Variants in SLC35F3 observed in about 807,000 individuals in gnomAD.
The protein encoded by SLC35F3 is putative thiamine transporter SLC35F3.
Under a neutral mutation model 49.9 loss-of-function variants are expected in SLC35F3, and 25 were observed. That is an observed-to-expected ratio of 0.50 (90% CI 0.37 to 0.70). The LOEUF (loss-of-function observed/expected upper bound fraction) is 0.70. Among genes scored for constraint, SLC35F3 ranks in the 30% least tolerant of loss-of-function variants. The probability of loss-of-function intolerance (pLI) is 0.00; values close to 1 mark genes in which losing one functional copy is unlikely to be tolerated. For missense variants in SLC35F3, 525 were observed against 639.8 expected, an observed-to-expected ratio of 0.82 and a Z score of 1.94; for synonymous variants, 275 against 265.4, an observed-to-expected ratio of 1.04 and a Z score of -0.35.
chr1:234,233,822 G>C (rs1370311601), intron 3 of SLC35F3, among the ~76,000 whole-genome samples: 1 of 152,170 alleles, frequency 6.6e-6, no homozygotes, highest in Non-Finnish European at 1.5e-5. Flanking sequence ...ATCACATTCT[G>C]CTCCAGCTCT....
chr1:234,159,948 G>A (rs1266990588), intron 2 of SLC35F3, among the ~76,000 whole-genome samples: 1 of 152,144 alleles, frequency 6.6e-6, no homozygotes, highest in Non-Finnish European at 1.5e-5. Context: ...GGAATCACTG[G>A]TGCCAAAGAC....
At chr1:234,309,029 C>T (rs201471524) in intron 3 of SLC35F3, 72 bp from the exon 4 acceptor site, 2 of 948,980 alleles carry the variant, frequency 2.1e-6, no homozygotes, top group Non-Finnish European at 1.5e-6. Context: ...AAAAAAAAAA[C>T]TTGCTATAGG....
At chr1:234,173,925 C>T (rs1346940833) in intron 2 of SLC35F3, among the ~76,000 whole-genome samples, 2 of 152,314 alleles carry the variant, frequency 1.3e-5, no homozygotes, top group East Asian at 3.9e-4. Context: ...CGATTTTCTC[C>T]TCTGGAGCCT....
At chr1:233,925,727 T>A (rs1269245016) in intron 2 of SLC35F3, among the ~76,000 whole-genome samples, 2 of 152,272 alleles carry the variant, frequency 1.3e-5, no homozygotes, top group African/African-American at 4.8e-5. Context: ...CTTCCTAGCA[T>A]CGATGGTCTT....
chr1:234,004,658 A>G (rs1663603940), intron 2 of SLC35F3, among the ~76,000 whole-genome samples: 1 of 152,156 alleles, frequency 6.6e-6, no homozygotes, highest in Non-Finnish European at 1.5e-5. Context: ...GAAAGATAAT[A>G]AATTACAGCT....
chr1:234,089,880 A>C (rs1040017784), intron 2 of SLC35F3, among the ~76,000 whole-genome samples: 1 of 152,208 alleles, frequency 6.6e-6, no homozygotes, highest in African/African-American at 2.4e-5. Flanking sequence ...TGTACTAGAT[A>C]AGATAGGAAA....
At chr1:234,083,160 C>G (rs1025117663) in intron 2 of SLC35F3, among the ~76,000 whole-genome samples, 1 of 152,158 alleles carries the variant, frequency 6.6e-6, no homozygotes, top group Non-Finnish European at 1.5e-5. Context: ...TTGGGGCACA[C>G]AGAAGTCTGT....
At position 234,150,326 on chromosome 1, in the gene SLC35F3, G is replaced by A. The variant is rs76228540; in HGVS notation, c.284-81091G>A. Among the ~76,000 whole-genome samples the A allele has an allele frequency of 5.2e-3, 793 of 151,402 alleles. 10 individuals carry two copies. The highest frequency in any genetic ancestry group is 0.019 in the African/African-American group (757 of 40,712). On this transcript the variant is annotated intron_variant, in intron 2 of 7. Coordinates refer to ENST00000366618, the MANE Select transcript of SLC35F3 (RefSeq NM_173508.4). ...TTGGTGACCCAAATTGTGAGGAAGAGTGTTGTTGGTTTGAAGACCTCGGAG... is the reference window on the plus strand; with the variant it reads ...TTGGTGACCCAAATTGTGAGGAAGAATGTTGTTGGTTTGAAGACCTCGGAG...
At chr1:233,982,901 T>C (rs1284282675) in intron 2 of SLC35F3, among the ~76,000 whole-genome samples, 1 of 152,164 alleles carries the variant, frequency 6.6e-6, no homozygotes, top group African/African-American at 2.4e-5. Context: ...TGAGAACAGA[T>C]GATGGCAAGA....
intron 2 of SLC35F3, among the ~76,000 whole-genome samples, chr1:233,924,939 G>A (rs560890773): frequency 1.3e-5 from 2 of 152,278 alleles, no homozygotes; most frequent in South Asian, 2.1e-4. Flanking sequence ...GTAGATGTGC[G>A]GTTCTGAGTG....
chr1:234,223,900 C>T (rs1398950548), intron 2 of SLC35F3, among the ~76,000 whole-genome samples: 3 of 152,128 alleles, frequency 2.0e-5, no homozygotes, highest in East Asian at 3.8e-4. Flanking sequence ...TGCAGATGGC[C>T]GCCTTCTGTG....
In SLC35F3 at chr1:234,070,480, A is replaced by T. The variant is rs530087061; in HGVS notation, c.284-160937A>T. On this transcript the variant is annotated intron_variant, in intron 2 of 7. Transcript: ENST00000366618. ...ATAGTCTTGATTTTTTAAAGTATGT[A>T]TTCCAAGTATTTTTATCCTGGTTTC... is the stretch of plus-strand genomic sequence containing the variant. Among the ~76,000 whole-genome samples, 3 of 152,328 alleles carry T rather than the reference A, an allele frequency of 2.0e-5. No individual in the cohort carries two copies. The South Asian group carries it at 6.2e-4, about 32-fold the overall frequency.
At chr1:234,117,465 C>T (rs1319358571) in intron 2 of SLC35F3, among the ~76,000 whole-genome samples, 1 of 151,880 alleles carries the variant, frequency 6.6e-6, no homozygotes, top group Non-Finnish European at 1.5e-5. Flanking sequence ...GGTGGCACAC[C>T]CTTGTAATCC....
intron 2 of SLC35F3, among the ~76,000 whole-genome samples, chr1:234,024,219 A>AT (rs1272672255): frequency 2.1e-5 from 3 of 143,128 alleles, no homozygotes; most frequent in Non-Finnish European, 3.1e-5. Context: ...AACGCTTCTG[A>AT]TAAAAAAAAA....
At chr1:234,126,736 G>C (rs1665654348) in intron 2 of SLC35F3, among the ~76,000 whole-genome samples, 1 of 152,022 alleles carries the variant, frequency 6.6e-6, no homozygotes, top group African/African-American at 2.4e-5. Flanking sequence ...TGTCACCCAG[G>C]CTGGAGTGGA....
chr1:234,104,103 C>T (rs1323631032), intron 2 of SLC35F3, among the ~76,000 whole-genome samples: 3 of 152,146 alleles, frequency 2.0e-5, no homozygotes, highest in South Asian at 4.1e-4. Context: ...CTTGCCTATT[C>T]CCCATAATTG....
chr1:233,947,319 C>T (rs1462563583), intron 2 of SLC35F3, among the ~76,000 whole-genome samples: 1 of 152,046 alleles, frequency 6.6e-6, no homozygotes. Context: ...TATGTCCATA[C>T]TCCCTGAAAC....
intron 2 of SLC35F3, among the ~76,000 whole-genome samples, chr1:234,185,223 G>T (rs1172045266): frequency 6.6e-6 from 1 of 152,114 alleles, no homozygotes; most frequent in African/African-American, 2.4e-5. Flanking sequence ...AGTTGGGTAG[G>T]ATTAGAGCCA....
intron 3 of SLC35F3, among the ~76,000 whole-genome samples, chr1:234,301,109 T>A (rs957776305): frequency 6.6e-6 from 1 of 152,180 alleles, no homozygotes; most frequent in Admixed American, 6.5e-5. Flanking sequence ...CATCTGGGAA[T>A]GTCCAGGCAA....
Sources: gnomAD v4.1 joint callset for allele counts (sites outside exome capture counted in the v4.1 genomes callset) on GRCh38, gnomAD v4.1.1 for gene constraint, MANE v1.5 for transcripts, NCBI Gene and HGNC (gene_info 2026-07-23, HGNC 2026-07-21) for gene names.